Variants in DNAAF4 observed in about 807,000 individuals in gnomAD.
The protein encoded by DNAAF4 is dynein assembly factor 4, axonemal.
Under a neutral mutation model 51.8 loss-of-function variants are expected in DNAAF4, and 43 were observed. The observed-to-expected ratio is 0.83, with a 90% CI of 0.65 to 1.07. DNAAF4 has a LOEUF of 1.07. Among genes scored for constraint, DNAAF4 ranks in the 50% least tolerant of loss-of-function variants. The pLI is 0.00. For missense variants in DNAAF4, 581 were observed against 493.0 expected (o/e 1.18, Z -1.69); for synonymous variants, 194 against 165.6 (o/e 1.17, Z -1.32).
At chr15:55,496,722 A>G (rs1047417111) in intron 3 of DNAAF4, among the ~76,000 whole-genome samples, 7 of 151,764 alleles carry the variant, frequency 4.6e-5, no homozygotes, top group African/African-American at 1.5e-4. Flanking sequence ...GCACTGTATC[A>G]CTTAAATTAG....
Position 55,433,625 on chromosome 15 carries a change from C to CAA in DNAAF4, c.1048-1025_1048-1024dup, listed in dbSNP as rs750056970. ...TGGGCAACAGAGCAAGACCTCGTCT[C>CAA]AAAAAAAAAAAAAAAAAAATGGCCT... On this transcript the variant is annotated intron_variant, in intron 8 of 9. Coordinates refer to ENST00000321149, the MANE Select transcript of DNAAF4 (RefSeq NM_130810.4). 2.2e-3 allele frequency among the ~76,000 whole-genome samples: 126 copies of CAA among 56,564 alleles called. 2 individuals carry two copies. Among genetic ancestry groups the CAA allele is most frequent in the African/African-American group, 7.2e-3 (106 of 14,712 alleles). 37.1% of individuals were successfully genotyped at this position (56,564 alleles called of 152,430 possible). A position where few individuals can be genotyped will look rare whatever the true frequency, so the allele number is the denominator to read the frequency against.
intron 7 of DNAAF4, among the ~76,000 whole-genome samples, chr15:55,438,053 A>C (rs963595418): frequency 6.6e-6 from 1 of 152,210 alleles, no homozygotes; most frequent in Admixed American, 6.5e-5. Flanking sequence ...ATATGCCAGA[A>C]TTCACTGTTT....
At chr15:55,463,959 C>A (rs536046392) in intron 5 of DNAAF4, among the ~76,000 whole-genome samples, 61 of 151,980 alleles carry the variant, frequency 4.0e-4, no homozygotes, top group Non-Finnish European at 7.9e-4. Context: ...AAAAACAATC[C>A]TAAAATTCAT....
At chr15:55,491,812 T>C (rs139341956) in intron 3 of DNAAF4, among the ~76,000 whole-genome samples, 1,944 of 143,202 alleles carry the variant, frequency 0.014, 34 homozygotes, top group African/African-American at 0.039. Context: ...TAATATTTTA[T>C]ATAATATATA....
intron 1 of DNAAF4, among the ~76,000 whole-genome samples, chr15:55,503,041 GAAGAA>G (rs1460992384): frequency 6.6e-6 from 1 of 151,908 alleles, no homozygotes; most frequent in Non-Finnish European, 1.5e-5. Context: ...GACTAATAAA[GAAGAA>G]AAGAGAAAAG....
In DNAAF4 at chr15:55,467,113, GTTCA is replaced by G; in HGVS notation, c.450_453del (p.Glu151GlyfsTer2). ...TCCAATGCTTTAGTGGCTTTTATCC[GTTCA>G]TTTTCTTTCATATCTTCTATTTTTT... On this transcript the variant is annotated frameshift_variant, in exon 5 of 10. Coordinates refer to ENST00000321149, the MANE Select transcript of DNAAF4 (RefSeq NM_130810.4). LOFTEE classifies it high-confidence loss of function. 6 of 1,533,830 alleles carry G rather than the reference GTTCA, an allele frequency of 3.9e-6. No homozygotes were observed. Among genetic ancestry groups the G allele is most frequent in the Non-Finnish European group, 5.2e-6 (6 of 1,144,338 alleles).
At chr15:55,449,808 C>G (rs2057905192) in intron 6 of DNAAF4, among the ~76,000 whole-genome samples, 1 of 146,956 alleles carries the variant, frequency 6.8e-6, no homozygotes, top group African/African-American at 2.5e-5. Flanking sequence ...AAGCAATTCT[C>G]CTGCCCCAGC....
chr15:55,468,869 G>C (rs2058207217), intron 4 of DNAAF4, among the ~76,000 whole-genome samples: 1 of 152,096 alleles, frequency 6.6e-6, no homozygotes, highest in African/African-American at 2.4e-5. Flanking sequence ...CTATATTAGA[G>C]ACAGAAATAG....
chr15:55,461,075 T>G (rs776893603), intron 5 of DNAAF4, among the ~76,000 whole-genome samples: 6 of 143,500 alleles, frequency 4.2e-5, no homozygotes, highest in Non-Finnish European at 6.1e-5. Flanking sequence ...ATCTCAATAA[T>G]TTTTTTTTTT....
chr15:55,501,036 C>T (rs2058694659), intron 1 of DNAAF4, among the ~76,000 whole-genome samples: 1 of 149,490 alleles, frequency 6.7e-6, no homozygotes, highest in African/African-American at 2.5e-5. Flanking sequence ...AAAAAAAATA[C>T]CTGTATGATA....
chr15:55,434,434 A>T (rs912757003), intron 8 of DNAAF4, among the ~76,000 whole-genome samples: 1 of 152,098 alleles, frequency 6.6e-6, no homozygotes, highest in African/African-American at 2.4e-5. Flanking sequence ...CTTGACATGG[A>T]AAAAAGAAAA....
chr15:55,445,006 A>C (rs1595901154), intron 6 of DNAAF4, among the ~76,000 whole-genome samples: 1 of 136,868 alleles, frequency 7.3e-6, no homozygotes, highest in East Asian at 2.1e-4. Context: ...GGACAATTTG[A>C]CTTCCTCTTT....
intron 4 of DNAAF4, among the ~76,000 whole-genome samples, chr15:55,482,558 A>C (rs1265524953): frequency 2.0e-5 from 3 of 152,154 alleles, no homozygotes; most frequent in Admixed American, 6.5e-5. Flanking sequence ...GCTTGCCTGT[A>C]ATCCCAGCTA....
chr15:55,467,828 G>A, intron 4 of DNAAF4, among the ~76,000 whole-genome samples: 1 of 152,194 alleles, frequency 6.6e-6, no homozygotes, highest in South Asian at 2.1e-4. Context: ...TTTGAAAGCA[G>A]TATCTTGTAC....
chr15:55,483,902 A>C (rs181098898), intron 4 of DNAAF4, among the ~76,000 whole-genome samples: 109 of 137,610 alleles, frequency 7.9e-4, no homozygotes, highest in South Asian at 4.9e-4. Flanking sequence ...TAATGGGAGA[A>C]GAGAGGAAAA....
chr15:55,491,681 A>ATATTATTATATAATAATATTATATAC (rs2058573841), intron 3 of DNAAF4, among the ~76,000 whole-genome samples: 1 of 140,802 alleles, frequency 7.1e-6, no homozygotes, highest in African/African-American at 2.6e-5. Flanking sequence ...AGATAATATT[A>ATATTATTATATAATAATATTATATAC]TATTATTATA....
At chr15:55,421,438 G>A (rs1279533334) in intron 7 of DNAAF4, among the ~76,000 whole-genome samples, 1 of 152,108 alleles carries the variant, frequency 6.6e-6, no homozygotes, top group East Asian at 1.9e-4. Flanking sequence ...GGGAGGTGGA[G>A]GTTGCAGTGA....
At chr15:55,484,020 C>T (rs1418255991) in intron 4 of DNAAF4, among the ~76,000 whole-genome samples, 1 of 151,532 alleles carries the variant, frequency 6.6e-6, no homozygotes, top group Non-Finnish European at 1.5e-5. Context: ...CACTGAAGAG[C>T]ACATCAAAAC....
At chr15:55,450,197 T>G (rs368748093) in intron 6 of DNAAF4, 25 bp downstream of exon 6, 2 of 1,561,652 alleles carry the variant, frequency 1.3e-6, no homozygotes, top group Non-Finnish European at 1.7e-6. Flanking sequence ...TTTGTGGTAA[T>G]TGTAACTAGA....
Sources: allele counts gnomAD v4.1 joint callset (sites outside exome capture counted in the v4.1 genomes callset), GRCh38; gene constraint gnomAD v4.1.1; transcripts MANE v1.5; gene names NCBI Gene and HGNC (gene_info 2026-07-23, HGNC 2026-07-21).